TRABD2A: variants seen among roughly 807,000 people sequenced by gnomAD.
The protein encoded by TRABD2A is TraB domain containing 2A.
In TRABD2A, 43 loss-of-function variants were observed where a neutral mutation model predicts 45.6. That is an observed-to-expected ratio of 0.94 (90% confidence interval 0.74 to 1.22). The LOEUF is 1.22. Among genes scored for constraint, TRABD2A ranks in the 50% most tolerant of loss-of-function variants. TRABD2A has a pLI of 0.00. For synonymous variants in TRABD2A, 269 were observed against 265.0 expected (o/e 1.02, Z -0.15); for missense variants, 642 against 652.4 (o/e 0.98, Z 0.17).
In TRABD2A at chr2:84,880,969, C is replaced by T. The variant is rs763918643; in HGVS notation, c.71G>A (p.Gly24Glu). Residue 24 changes from glycine (G) to glutamate (E), a missense_variant, in exon 1 of 7, where the codon GGG (glycine) becomes GAG (glutamate). Coordinates refer to ENST00000409520, the MANE Select transcript of TRABD2A (RefSeq NM_001277053.2). ...LLPTGAASRR[G>E]APGTANCELK... ...CTCGCAGTTGGCGGTGCCGGGCGCC[C>T]CGCGCCGCGAAGCTGCGCCCGTGGG... is the stretch of plus-strand genomic sequence containing the variant. 1.9e-6 allele frequency: 3 copies of T among 1,601,602 alleles called. No homozygotes were observed. The South Asian group carries it at 3.4e-5, about 18-fold the overall frequency.
intron 2 of TRABD2A, among the ~76,000 whole-genome samples, chr2:84,865,308 A>G (rs1450612365): frequency 6.6e-6 from 1 of 152,248 alleles, no homozygotes; most frequent in East Asian, 1.9e-4. Context: ...GTACAAAAGA[A>G]TGACAGCCAA....
chr2:84,839,241 A>G lies in TRABD2A; in HGVS notation c.899T>C (p.Leu300Pro). 1 of 1,613,934 alleles carries G rather than the reference A, an allele frequency of 6.2e-7. No individual in the cohort carries two copies. The highest frequency in any genetic ancestry group is 8.5e-7 in the Non-Finnish European group (1 of 1,179,886). ...TATTCTCTCATTCCGCTTGTAGATC[A>G]GCTCCCGGCGTAAGTAGCTGTCAAT... The part of the protein sequence containing the change: ...QEIDSYLRRE[L>P]IYKRNERIGK... The change falls in exon 4 of 7, where the codon CTG becomes CCG. Residue 300 changes from leucine to proline, a missense_variant. Physicochemically the swap from Leu to Pro is moderately conservative, Grantham distance 98 (BLOSUM62 -3). Transcript: ENST00000409520.
intron 3 of TRABD2A, among the ~76,000 whole-genome samples, chr2:84,839,908 AT>A (rs1424308936): frequency 3.3e-5 from 5 of 152,146 alleles, no homozygotes; most frequent in Non-Finnish European, 7.4e-5. Context: ...TAATAACAGG[AT>A]GAAAGTGCAT....
At chr2:84,849,538 CT>C (rs1236915679) in intron 2 of TRABD2A, 1 of 151,974 alleles carries the variant, frequency 6.6e-6, no homozygotes, top group African/African-American at 2.4e-5. Flanking sequence ...TAAACCAGCT[CT>C]TTTGTACACC....
At chr2:84,843,947 A>C (rs1681798095) in intron 2 of TRABD2A, 1 of 152,240 alleles carries the variant, frequency 6.6e-6, no homozygotes, top group Non-Finnish European at 1.5e-5. Context: ...CAAAGGAGAC[A>C]GATCTCTCTG....
intron 4 of TRABD2A, 156 bp downstream of exon 4, chr2:84,838,993 G>A (rs1371223354): frequency 2.5e-6 from 2 of 793,546 alleles, no homozygotes; most frequent in Admixed American, 2.9e-5. Flanking sequence ...TCCCCAGCTG[G>A]AGCCACTCTG....
chr2:84,851,704 C>T (rs74657615), intron 2 of TRABD2A, among the ~76,000 whole-genome samples: 2,726 of 152,284 alleles, frequency 0.018, 75 homozygotes, highest in African/African-American at 0.063. Context: ...TGTGCATGTC[C>T]TACTTCTAGG....
At chr2:84,851,469 T>C (rs768599716) in intron 2 of TRABD2A, among the ~76,000 whole-genome samples, 4 of 152,238 alleles carry the variant, frequency 2.6e-5, no homozygotes, top group East Asian at 1.9e-4. Flanking sequence ...TACCCAATGC[T>C]TAATCCCCCC....
intron 2 of TRABD2A, among the ~76,000 whole-genome samples, chr2:84,866,682 C>CTTT (rs111567421): frequency 7.2e-6 from 1 of 139,398 alleles, no homozygotes; most frequent in Non-Finnish European, 1.6e-5. Context: ...CAATTTCCTG[C>CTTT]TTTTTTTTTT....
chr2:84,876,177 G>T (rs374853874), intron 1 of TRABD2A, among the ~76,000 whole-genome samples: 4 of 152,166 alleles, frequency 2.6e-5, no homozygotes, highest in African/African-American at 9.7e-5. Flanking sequence ...CAGGTGGTAG[G>T]TGAATATGTA....
Position 84,839,336 on chromosome 2 carries a change from A to T in TRABD2A, c.817-13T>A. 6.3e-7 allele frequency: 1 copy of T among 1,579,050 alleles called. No individual in the cohort carries two copies. Among genetic ancestry groups the T allele is most frequent in the South Asian group, 1.2e-5 (1 of 86,562 alleles). On this transcript the variant is annotated splice_polypyrimidine_tract_variant and intron_variant, in intron 3 of 6. Transcript: ENST00000409520. ...TAAAATTGGGAACCTCCACCAAAAT[A>T]AAGAGAAAAAAAAATAAGGGGCAAC...
intron 1 of TRABD2A, among the ~76,000 whole-genome samples, chr2:84,873,142 C>T (rs971858808): frequency 4.1e-5 from 6 of 146,702 alleles, no homozygotes; most frequent in East Asian, 2.0e-4. Context: ...AAATTTAGGC[C>T]GAGCGCAGTT....
At chr2:84,840,052 A>G (rs532302434) in intron 3 of TRABD2A, among the ~76,000 whole-genome samples, 3 of 151,934 alleles carry the variant, frequency 2.0e-5, no homozygotes, top group Non-Finnish European at 4.4e-5. Flanking sequence ...CCCTGGGTGC[A>G]TGCTCTCTCC....
At chr2:84,859,319 A>G (rs1247672241) in intron 2 of TRABD2A, among the ~76,000 whole-genome samples, 3 of 152,152 alleles carry the variant, frequency 2.0e-5, no homozygotes, top group Admixed American at 2.0e-4. Context: ...ACCTCCCTCC[A>G]ATTGCACCCA....
chr2:84,845,882 C>A (rs1216439201), intron 2 of TRABD2A, among the ~76,000 whole-genome samples: 1 of 152,028 alleles, frequency 6.6e-6, no homozygotes, highest in Non-Finnish European at 1.5e-5. Context: ...TTTAATGGAG[C>A]TTTCATTTTA....
intron 1 of TRABD2A, 35 bp from the exon 2 acceptor site, chr2:84,870,820 T>C (rs1253127830): frequency 4.0e-6 from 6 of 1,513,462 alleles, no homozygotes; most frequent in Admixed American, 2.1e-5. Context: ...AGGTATAATA[T>C]GGGGGAGAGG....
At position 84,830,111 on chromosome 2, in the gene TRABD2A, C is replaced by G. The variant is rs567376583; in HGVS notation, c.1082+1944G>C. ...TTGAACCCCAGGCCAGTCAGCCCAG[C>G]GGGAAGAGCTGAGAAGGGACCAGAG... On this transcript the variant is annotated intron_variant, in intron 5 of 6. Coordinates refer to ENST00000409520, the MANE Select transcript of TRABD2A (RefSeq NM_001277053.2). The surrounding 1 kb of genome is among the most constrained non-coding windows in gnomAD (Gnocchi z 4.9). 6.6e-6 allele frequency among the ~76,000 whole-genome samples: 1 copy of G among 152,132 alleles called. No individual in the cohort carries two copies. The highest frequency in any genetic ancestry group is 1.5e-5 in the Non-Finnish European group (1 of 68,028).
At chr2:84,829,971 A>C (rs1416497651) in intron 5 of TRABD2A, among the ~76,000 whole-genome samples, 1 of 150,522 alleles carries the variant, frequency 6.6e-6, no homozygotes. Flanking sequence ...CCCCTCACAC[A>C]CACCACACAC....
At chr2:84,826,699 T>C (rs939485790) in intron 5 of TRABD2A, among the ~76,000 whole-genome samples, 1 of 152,060 alleles carries the variant, frequency 6.6e-6, no homozygotes, top group African/African-American at 2.4e-5. Flanking sequence ...GCCCAGCTAG[T>C]TTTTTTGTAT....
Sources: gnomAD v4.1 joint callset for allele counts (sites outside exome capture counted in the v4.1 genomes callset) on GRCh38, gnomAD v4.1.1 for gene constraint, Gnocchi (gnomAD v3.1) non-coding constraint, MANE v1.5 for transcripts, NCBI Gene and HGNC (gene_info 2026-07-23, HGNC 2026-07-21) for gene names.